CCPG1: variants seen among roughly 807,000 people sequenced by gnomAD.
The protein encoded by CCPG1 is cell cycle progression protein 1.
CCPG1 carries 46 observed loss-of-function variants against 81.3 expected under a neutral mutation model. The observed-to-expected ratio is 0.57, with a 90% confidence interval of 0.45 to 0.72. The LOEUF (loss-of-function observed/expected upper bound fraction) is 0.72. Among genes scored for constraint, CCPG1 ranks in the 30% least tolerant of loss-of-function variants. The pLI is 0.00. For missense variants in CCPG1, 902 were observed against 937.6 expected, an observed-to-expected ratio of 0.96 and a Z score of 0.50; for synonymous variants, 330 against 305.2, an observed-to-expected ratio of 1.08 and a Z score of -0.85.
At position 55,360,582 on chromosome 15, in the gene CCPG1, C is replaced by A. The variant is rs201721870; in HGVS notation, c.1191G>T (p.Arg397Ser). 1.2e-6 allele frequency: 2 copies of A among 1,614,042 alleles called. No individual in the cohort carries two copies. The highest frequency in any genetic ancestry group is 1.7e-6 in the Non-Finnish European group (2 of 1,180,030). ...TACCACTTAACTGCTGGAGTTCCCCCCTTAAAGCCGTAGTTACTAGTCGTT... is the reference window on the plus strand; with the variant it reads ...TACCACTTAACTGCTGGAGTTCCCCACTTAAAGCCGTAGTTACTAGTCGTT... ...ERERLVTTALRGELQQLSGSQ... is the reference protein window; with the variant it reads ...ERERLVTTALSGELQQLSGSQ... Residue 397 changes from arginine (R) to serine (S), a missense_variant, in exon 8 of 9, where the codon AGG becomes AGT. Around this residue, in one of 3 missense-constraint regions of CCPG1, gnomAD observed 746 missense variants for 728.6 expected, o/e 1.02. Transcript: ENST00000442196.
intron 3 of CCPG1, among the ~76,000 whole-genome samples, chr15:55,383,840 G>A (rs544062043): frequency 4.6e-5 from 7 of 152,324 alleles, no homozygotes; most frequent in African/African-American, 1.7e-4. Flanking sequence ...TATGGCTTAA[G>A]GGAATTTTGT....
Position 55,360,157 on chromosome 15 carries a change from G to A in CCPG1, c.1616C>T (p.Thr539Ile). 1 of 1,613,032 alleles carries A rather than the reference G, an allele frequency of 6.2e-7. No homozygotes were observed. The highest frequency in any genetic ancestry group is 1.3e-5 in the African/African-American group (1 of 74,820). ...VKSTFRHFKD[T>I]TKNIFDEKGN... is the part of the protein sequence containing the mutation. ...CTTTTCATCAAAGATATTCTTGGTG[G>A]TATCTTTAAAGTGTCTGAAAGTGGA... Residue 539 changes from threonine to isoleucine, a missense_variant, in exon 8 of 9, where the codon ACC becomes ATC. Transcript: ENST00000442196.
At chr15:55,369,191 C>T (rs905075300) in intron 6 of CCPG1, among the ~76,000 whole-genome samples, 15 of 151,862 alleles carry the variant, frequency 9.9e-5, no homozygotes, top group Non-Finnish European at 1.3e-4. Flanking sequence ...AAATTCAAAA[C>T]GGCTCTGAAA....
chr15:55,399,367 T>A (rs1217053638), intron 1 of CCPG1, among the ~76,000 whole-genome samples: 1 of 143,182 alleles, frequency 7.0e-6, no homozygotes, highest in Admixed American at 7.3e-5. Context: ...CGGGTACAGT[T>A]CCAGATTAGC....
chr15:55,368,364 G>C (rs1023578261), intron 6 of CCPG1, among the ~76,000 whole-genome samples: 2 of 152,088 alleles, frequency 1.3e-5, no homozygotes, highest in African/African-American at 4.8e-5. Context: ...CTTCCCTTGA[G>C]TCTATCATAA....
In CCPG1 at chr15:55,359,564, T is replaced by G; in HGVS notation, c.2209A>C (p.Thr737Pro). 6.2e-7 allele frequency: 1 copy of G among 1,610,192 alleles called. No individual in the cohort carries two copies. The highest frequency in any genetic ancestry group is 8.5e-7 in the Non-Finnish European group (1 of 1,178,756). ...EYIYRHFFGH[T>P]FSPPYGPSRP... ...CTGGGTCCATATGGAGGGGAAAAAGTGTGACCAAAGAAGTGTCTATATATA... is the reference window on the plus strand; with the variant it reads ...CTGGGTCCATATGGAGGGGAAAAAGGGTGACCAAAGAAGTGTCTATATATA... The change falls in exon 8 of 9, where the codon ACT becomes CCT. Residue 737 changes from threonine to proline, a missense_variant. Thr to Pro is a conservative substitution (Grantham distance 38). Transcript: ENST00000442196.
intron 3 of CCPG1, among the ~76,000 whole-genome samples, chr15:55,381,741 T>C (rs913663385): frequency 7.9e-5 from 12 of 152,348 alleles, no homozygotes; most frequent in South Asian, 6.2e-4. Context: ...CATAAGTGTA[T>C]GCAGTAATTG....
At chr15:55,361,881 A>G (rs1203961295) in intron 7 of CCPG1, among the ~76,000 whole-genome samples, 1 of 152,188 alleles carries the variant, frequency 6.6e-6, no homozygotes, top group African/African-American at 2.4e-5. Context: ...GATAAGCCAT[A>G]AATTCTATAA....
chr15:55,392,879 T>G (rs971480428), intron 1 of CCPG1, among the ~76,000 whole-genome samples: 9 of 151,936 alleles, frequency 5.9e-5, no homozygotes, highest in African/African-American at 2.2e-4. Context: ...CCAAGGCGGG[T>G]AGATCATAAG....
intron 1 of CCPG1, chr15:55,407,869 G>C (rs2141365086): frequency 6.5e-6 from 1 of 152,702 alleles, no homozygotes; most frequent in East Asian, 1.9e-4. Context: ...CATCAGTCCA[G>C]ACCGACAAGC....
intron 6 of CCPG1, among the ~76,000 whole-genome samples, chr15:55,369,276 C>T (rs1375690041): frequency 6.6e-6 from 1 of 152,002 alleles, no homozygotes; most frequent in East Asian, 1.9e-4. Flanking sequence ...TGGCTCACGC[C>T]TGTAATCCCA....
chr15:55,365,458 T>C (rs2056307222), intron 6 of CCPG1, 149 bp from the exon 7 acceptor site: 1 of 563,356 alleles, frequency 1.8e-6, no homozygotes, highest in South Asian at 2.3e-5. Context: ...TTGAGAAGAG[T>C]CTTGCTCCAT....
At chr15:55,397,062 C>T (rs2141335754) in intron 1 of CCPG1, among the ~76,000 whole-genome samples, 1 of 151,984 alleles carries the variant, frequency 6.6e-6, no homozygotes, top group East Asian at 1.9e-4. Flanking sequence ...ATTAGCCGGG[C>T]GATTAGCCGG....
rs762463706 is a variant in CCPG1 at position 55,360,121 on chromosome 15, C to A, written c.1652G>T (p.Arg551Ile). The part of the protein sequence containing the change: ...KNIFDEKGNK[R>I]FGATKEAAEK... ...AGCTGCTTCTTTTGTAGCACCAAAT[C>A]TTTTATTACCCTTTTCATCAAAGAT... is the stretch of plus-strand genomic sequence containing the variant. Residue 551 changes from arginine (R) to isoleucine (I), a missense_variant, in exon 8 of 9, where the codon AGA becomes ATA. Coordinates refer to ENST00000442196, the MANE Select transcript of CCPG1 (RefSeq NM_001204450.2). 4.3e-6 allele frequency: 7 copies of A among 1,613,740 alleles called. No homozygotes were observed. Among genetic ancestry groups the A allele is most frequent in the Non-Finnish European group, 5.9e-6 (7 of 1,179,928 alleles).
At position 55,385,713 on chromosome 15, in the gene CCPG1, C is replaced by G. The variant is rs1347295015; in HGVS notation, c.62G>C (p.Gly21Ala). Residue 21 changes from glycine to alanine, a missense_variant and splice_region_variant, in exon 3 of 9, where the codon GGG becomes GCG. By Grantham distance (60) the Gly-to-Ala change is moderately conservative. This residue lies in a region of CCPG1 where 28 missense variants were observed against 47.8 expected (regional missense o/e 0.59). Transcript: ENST00000442196. ...SCGWTVISHE[G>A]SDIEMLNSVT... Reference sequence around the variant, plus strand: ...AGAATTCAACATTTCTATATCTGACCCCTAAGGAAAAGTGATAATCTTTCA... The same window carrying G: ...AGAATTCAACATTTCTATATCTGACGCCTAAGGAAAAGTGATAATCTTTCA... The G allele has an allele frequency of 6.5e-7, 1 of 1,548,310 alleles. No individual in the cohort carries two copies. Among genetic ancestry groups the G allele is most frequent in the Non-Finnish European group, 8.9e-7 (1 of 1,120,600 alleles).
At chr15:55,374,108 T>C (rs1428183433) in intron 5 of CCPG1, 2 of 1,057,526 alleles carry the variant, frequency 1.9e-6, no homozygotes, top group Non-Finnish European at 1.3e-6. Context: ...TAAATGTGAC[T>C]AGGCACACTC....
In CCPG1 at chr15:55,368,981, G is replaced by A. The variant is rs537835215; in HGVS notation, c.706+2812C>T. Among the ~76,000 whole-genome samples the A allele has an allele frequency of 5.1e-4, 78 of 152,114 alleles. 1 individual carries two copies. Among genetic ancestry groups the A allele is most frequent in the African/African-American group, 1.8e-3 (74 of 41,500 alleles). On this transcript the variant is annotated intron_variant, in intron 6 of 8. Coordinates refer to ENST00000442196, the MANE Select transcript of CCPG1 (RefSeq NM_001204450.2). ...ACAAAAAGTAGCCAGGCGTGCTGGC[G>A]GATGCCTGTAATCCTAGCTACTCAG...
At chr15:55,386,770 G>A (rs148458574) in intron 2 of CCPG1, among the ~76,000 whole-genome samples, 7,927 of 151,902 alleles carry the variant, frequency 0.052, 309 homozygotes, top group South Asian at 0.098. Flanking sequence ...GGTGGCGGGC[G>A]CCTGTAGTCC....
chr15:55,379,366 A>C (rs2056633043), intron 3 of CCPG1, among the ~76,000 whole-genome samples: 1 of 152,000 alleles, frequency 6.6e-6, no homozygotes, highest in Non-Finnish European at 1.5e-5. Flanking sequence ...CTACAAAAAT[A>C]AAAATTAAAA....
Sources: gnomAD v4.1 joint callset for allele counts (sites outside exome capture counted in the v4.1 genomes callset) on GRCh38, gnomAD v4.1.1 for gene constraint, gnomAD v4.1.1 regional missense constraint, MANE v1.5 for transcripts, NCBI Gene and HGNC (gene_info 2026-07-23, HGNC 2026-07-21) for gene names.